G3BP1: variants seen among roughly 807,000 people sequenced by gnomAD.
The protein encoded by G3BP1 is G3BP stress granule assembly factor 1.
Under a neutral mutation model 58.6 loss-of-function variants are expected in G3BP1, and 35 were observed. The observed-to-expected ratio is 0.60, with a 90% CI of 0.46 to 0.79. The LOEUF (loss-of-function observed/expected upper bound fraction) is 0.79. G3BP1 is among the 30% of genes least tolerant of loss of function. G3BP1 has a pLI of 0.00. For missense variants in G3BP1, 523 were observed against 580.8 expected, an observed-to-expected ratio of 0.90 and a Z score of 1.02; for synonymous variants, 191 against 195.4, an observed-to-expected ratio of 0.98 and a Z score of 0.19.
intron 1 of G3BP1, among the ~76,000 whole-genome samples, chr5:151,785,897 C>G (rs1371875893): frequency 6.6e-6 from 1 of 152,166 alleles, no homozygotes; most frequent in Non-Finnish European, 1.5e-5. Flanking sequence ...CCCCGGATGT[C>G]AAAACTATGT....
chr5:151,797,530 T>C, intron 7 of G3BP1, 102 bp downstream of exon 7: 3 of 1,257,722 alleles, frequency 2.4e-6, no homozygotes, highest in Non-Finnish European at 3.3e-6. Flanking sequence ...AGATACATTT[T>C]CATATTGGTG....
chr5:151,781,877 C>A (rs1405987728), intron 1 of G3BP1, among the ~76,000 whole-genome samples: 1 of 152,122 alleles, frequency 6.6e-6, no homozygotes, highest in Non-Finnish European at 1.5e-5. Context: ...TTTGAGGAGT[C>A]AAGTTATACA....
intron 11 of G3BP1, among the ~76,000 whole-genome samples, chr5:151,803,684 C>T (rs747477383): frequency 9.9e-5 from 15 of 151,878 alleles, no homozygotes; most frequent in Non-Finnish European, 1.8e-4. Context: ...TTAGTAGAGA[C>T]GGGGTTTCAC....
chr5:151,793,536 G>A (rs1762696392), intron 4 of G3BP1, among the ~76,000 whole-genome samples: 1 of 152,212 alleles, frequency 6.6e-6, no homozygotes, highest in African/African-American at 2.4e-5. Flanking sequence ...ATGTATGTGA[G>A]TGTAGTCTTT....
intron 7 of G3BP1, among the ~76,000 whole-genome samples, chr5:151,798,624 T>C (rs1762795799): frequency 6.6e-6 from 1 of 152,122 alleles, no homozygotes; most frequent in Non-Finnish European, 1.5e-5. Flanking sequence ...CTGAGCTGAT[T>C]TTGGAGGAGA....
intron 11 of G3BP1, among the ~76,000 whole-genome samples, chr5:151,801,818 TA>T (rs201151454): frequency 2.0e-5 from 3 of 151,664 alleles, no homozygotes; most frequent in African/African-American, 7.3e-5. Context: ...TTTATTTTTT[TA>T]TTTTTTTTTT....
intron 1 of G3BP1, among the ~76,000 whole-genome samples, chr5:151,774,097 T>C (rs546248933): frequency 1.3e-3 from 203 of 152,296 alleles, no homozygotes; most frequent in African/African-American, 4.4e-3. Flanking sequence ...TTGAAGCAAA[T>C]TGTGGTAATG....
chr5:151,812,082 A>G lies in G3BP1; in HGVS notation c.*7991A>G, dbSNP rs1173280240. On this transcript the variant is annotated 3_prime_UTR_variant, in exon 12 of 12. Transcript: ENST00000356245. ...AATCATCTTGAACCTCTTCCATCAT[A>G]GCACTATGTTGCTGAGCTAATTCAT... 6.6e-6 allele frequency: 1 copy of G among 152,202 alleles called. No individual in the cohort carries two copies. Among genetic ancestry groups the G allele is most frequent in the Non-Finnish European group, 1.5e-5 (1 of 68,032 alleles). 9.4% of individuals were successfully genotyped at this position (152,202 alleles called of 1,614,324 possible).
At chr5:151,785,703 GGAATTATTT>G (rs1369104642) in intron 1 of G3BP1, among the ~76,000 whole-genome samples, 1 of 152,066 alleles carries the variant, frequency 6.6e-6, no homozygotes, top group African/African-American at 2.4e-5. Flanking sequence ...TGATACAGTA[GGAATTATTT>G]TGAGTATAAA....
rs1281373351 is a variant in G3BP1, at chr5:151,809,088, A to G, written c.*4997A>G. ...GTCTCTCAGGAGGCTGAGGCAGGAG[A>G]TTGCTTGAGCCCAGGAGTTGGAGGC... On this transcript the variant is annotated 3_prime_UTR_variant, in exon 12 of 12. Coordinates refer to ENST00000356245, the MANE Select transcript of G3BP1 (RefSeq NM_005754.3). The G allele has an allele frequency of 1.3e-5, 2 of 152,236 alleles. No individual in the cohort carries two copies. Among genetic ancestry groups the G allele is most frequent in the African/African-American group, 2.4e-5 (1 of 41,428 alleles). 9.4% of individuals were successfully genotyped at this position (152,236 alleles called of 1,614,324 possible).
chr5:151,799,925 C>T lies in G3BP1; in HGVS notation c.880C>T (p.Pro294Ser). 6.2e-7 allele frequency: 1 copy of T among 1,613,186 alleles called. No individual in the cohort carries two copies. Among genetic ancestry groups the T allele is most frequent in the Admixed American group, 1.7e-5 (1 of 60,018 alleles). The change falls in exon 9 of 12, where the codon CCA becomes TCA. Residue 294 changes from proline (P) to serine (S), a missense_variant. Coordinates refer to ENST00000356245, the MANE Select transcript of G3BP1 (RefSeq NM_005754.3). Reference protein sequence around the residue: ...PESKPESQIPPQRPQRDQRVR... With the variant: ...PESKPESQIPSQRPQRDQRVR... ...GTCTAAGCCTGAATCTCAGATTCCA[C>T]CACAAAGACCTCAGCGGGATCAAAG... is the stretch of plus-strand genomic sequence containing the variant.
chr5:151,773,056 C>A (rs889800406), intron 1 of G3BP1, among the ~76,000 whole-genome samples: 1 of 152,234 alleles, frequency 6.6e-6, no homozygotes, highest in Non-Finnish European at 1.5e-5. Flanking sequence ...TGAGTAAGTG[C>A]AAATGAACAT....
In G3BP1 at chr5:151,810,714, ATAACT is replaced by A. The variant is rs1763007008; in HGVS notation, c.*6627_*6631del. 1 of 152,244 alleles carries A rather than the reference ATAACT, an allele frequency of 6.6e-6. No individual in the cohort carries two copies. The highest frequency in any genetic ancestry group is 2.4e-5 in the African/African-American group (1 of 41,468). The allele number at this position is 152,244 out of a possible 1,614,324, so 9.4% of individuals were successfully genotyped here. On this transcript the variant is annotated 3_prime_UTR_variant, in exon 12 of 12. Coordinates refer to ENST00000356245, the MANE Select transcript of G3BP1 (RefSeq NM_005754.3). Reference sequence around the variant, plus strand: ...CTTTAGATGAAACTTACTGAGTTGAATAACTTAATATATTTCTGTTTTCATTCCCA... The same window carrying A: ...CTTTAGATGAAACTTACTGAGTTGAATAATATATTTCTGTTTTCATTCCCA...
rs1015305353 is a variant in G3BP1, at chr5:151,804,597, C to T, written c.*506C>T. The T allele has an allele frequency of 6.6e-6, 1 of 152,470 alleles. No individual in the cohort carries two copies. Among genetic ancestry groups the T allele is most frequent in the East Asian group, 1.9e-4 (1 of 5,190 alleles). The allele number at this position is 152,470 out of a possible 1,614,324, so 9.4% of individuals were successfully genotyped here. A position where few individuals can be genotyped will look rare whatever the true frequency, so the allele number is the denominator to read the frequency against. On this transcript the variant is annotated 3_prime_UTR_variant, in exon 12 of 12. Transcript: ENST00000356245. Reference sequence around the variant, plus strand: ...CTACCTTCTGGTGTGGAGAAATTGCCATTGGAAAATTTGACAATTTTGATT... The same window carrying T: ...CTACCTTCTGGTGTGGAGAAATTGCTATTGGAAAATTTGACAATTTTGATT...
chr5:151,777,621 A>C (rs1424430598), intron 1 of G3BP1, among the ~76,000 whole-genome samples: 2 of 152,194 alleles, frequency 1.3e-5, no homozygotes, highest in East Asian at 3.8e-4. Flanking sequence ...CCAGCTTCTC[A>C]AAAGACTGAG....
intron 9 of G3BP1, 105 bp downstream of exon 9, chr5:151,800,105 G>C: frequency 1.7e-6 from 2 of 1,190,682 alleles, no homozygotes; most frequent in Non-Finnish European, 2.4e-6. Flanking sequence ...AATATTGTAG[G>C]GTTGATGGAA....
rs1047896254 is a variant in G3BP1, at chr5:151,810,257, A to G, written c.*6166A>G. 6.6e-6 allele frequency: 1 copy of G among 152,238 alleles called. No individual in the cohort carries two copies. Among genetic ancestry groups the G allele is most frequent in the African/African-American group, 2.4e-5 (1 of 41,452 alleles). The allele number at this position is 152,238 out of a possible 1,614,324, so 9.4% of individuals were successfully genotyped here. Reference sequence around the variant, plus strand: ...CAGGCATTGTGATTCCTTGGCTTCAAGTGCCTTCTGTCTTCCCCGAAGGTC... The same window carrying G: ...CAGGCATTGTGATTCCTTGGCTTCAGGTGCCTTCTGTCTTCCCCGAAGGTC... On this transcript the variant is annotated 3_prime_UTR_variant, in exon 12 of 12. Transcript: ENST00000356245.
intron 1 of G3BP1, among the ~76,000 whole-genome samples, chr5:151,775,101 G>C (rs1356200984): frequency 2.0e-5 from 3 of 152,184 alleles, no homozygotes; most frequent in African/African-American, 7.2e-5. Context: ...CTCACAGCCT[G>C]TAGCTTAGTA....
chr5:151,781,224 A>G (rs1246750318), intron 1 of G3BP1, among the ~76,000 whole-genome samples: 1 of 152,240 alleles, frequency 6.6e-6, no homozygotes, highest in African/African-American at 2.4e-5. Context: ...AACCCACACA[A>G]ACACTTTGAG....
Sources: allele counts gnomAD v4.1 joint callset (sites outside exome capture counted in the v4.1 genomes callset), GRCh38; gene constraint gnomAD v4.1.1; transcripts MANE v1.5; gene names NCBI Gene and HGNC (gene_info 2026-07-23, HGNC 2026-07-21).